AHCYL2: variants seen among roughly 807,000 people sequenced by gnomAD.
AHCYL2 encodes adenosylhomocysteinase like 2, also known as S-adenosylhomocysteine hydrolase-like protein 2.
A neutral mutation model predicts 81.4 loss-of-function variants in AHCYL2; 28 were observed. That is an observed-to-expected ratio of 0.34 (90% confidence interval 0.25 to 0.47). AHCYL2 has a LOEUF of 0.47. Ranked by LOEUF, AHCYL2 falls within the 20% of genes least tolerant of loss-of-function variation. The pLI is 1.00. For missense variants in AHCYL2, 551 were observed against 785.1 expected (o/e 0.70, Z 3.56); for synonymous variants, 272 against 290.2 (o/e 0.94, Z 0.64).
Position 129,368,376 on chromosome 7 carries a change from C to T in AHCYL2, c.364-11262C>T. 2 of 1,540,244 alleles carry T rather than the reference C, an allele frequency of 1.3e-6. No homozygotes were observed. The highest frequency in any genetic ancestry group is 1.7e-6 in the Non-Finnish European group (2 of 1,143,946). On this transcript the variant is annotated intron_variant, in intron 1 of 16. Transcript: ENST00000325006. The surrounding 1 kb of genome is among the most constrained non-coding windows in gnomAD (Gnocchi z 4.4). ...GAAAAGGGATGCAGCTTCTGCTAGCCACTGTGAACTTCTGAATCTCACTAG... is the reference window on the plus strand; with the variant it reads ...GAAAAGGGATGCAGCTTCTGCTAGCTACTGTGAACTTCTGAATCTCACTAG...
chr7:129,280,867 CT>C (rs756254951), intron 1 of AHCYL2, among the ~76,000 whole-genome samples: 2,490 of 138,424 alleles, frequency 0.018, 13 homozygotes, highest in Non-Finnish European at 0.027. Context: ...TACATTGATT[CT>C]TTTTTTTTTT....
At chr7:129,353,462 A>C (rs1426968042) in intron 1 of AHCYL2, among the ~76,000 whole-genome samples, 2 of 151,900 alleles carry the variant, frequency 1.3e-5, no homozygotes, top group Non-Finnish European at 2.9e-5. Context: ...GCCTTTCTTG[A>C]TTATTCTATC....
intron 1 of AHCYL2, among the ~76,000 whole-genome samples, chr7:129,366,357 C>T (rs1408335354): frequency 2.0e-5 from 3 of 152,176 alleles, no homozygotes; most frequent in Non-Finnish European, 4.4e-5. Flanking sequence ...AGTACCTCTT[C>T]CATAGATATT....
At chr7:129,350,170 A>G (rs1158009857) in intron 1 of AHCYL2, among the ~76,000 whole-genome samples, 3 of 152,146 alleles carry the variant, frequency 2.0e-5, no homozygotes, top group African/African-American at 7.2e-5. Context: ...CATTTCAGAT[A>G]AAGCATGCAG....
chr7:129,400,056 A>G, intron 5 of AHCYL2, among the ~76,000 whole-genome samples: 1 of 152,034 alleles, frequency 6.6e-6, no homozygotes, highest in Non-Finnish European at 1.5e-5. Context: ...CAACTGTCAT[A>G]CTTTTGTCCA....
intron 1 of AHCYL2, among the ~76,000 whole-genome samples, chr7:129,333,327 A>T (rs1798487307): frequency 6.6e-6 from 1 of 151,824 alleles, no homozygotes; most frequent in Admixed American, 6.6e-5. Flanking sequence ...AAAAAAAAAA[A>T]AAATTTTTTT....
chr7:129,374,214 A>G (rs1276905572), intron 1 of AHCYL2, among the ~76,000 whole-genome samples: 1 of 152,170 alleles, frequency 6.6e-6, no homozygotes, highest in Non-Finnish European at 1.5e-5. Flanking sequence ...ATTATGAGGC[A>G]TGGTATAGTA....
At chr7:129,259,696 A>T (rs1470253308) in intron 1 of AHCYL2, among the ~76,000 whole-genome samples, 1 of 152,166 alleles carries the variant, frequency 6.6e-6, no homozygotes, top group Non-Finnish European at 1.5e-5. Context: ...CTCTTTGTAA[A>T]GGAAGAGTGA....
chr7:129,366,470 G>A (rs1220253130), intron 1 of AHCYL2, among the ~76,000 whole-genome samples: 2 of 152,104 alleles, frequency 1.3e-5, no homozygotes, highest in East Asian at 1.9e-4. Flanking sequence ...GACAGGTCTC[G>A]GTTAATTTAG....
chr7:129,413,495 T>C, intron 11 of AHCYL2, 99 bp from the exon 12 acceptor site: 1 of 983,012 alleles, frequency 1.0e-6, no homozygotes, highest in Non-Finnish European at 1.6e-6. Context: ...GAATTCCTTA[T>C]AACAAGTCCC....
intron 1 of AHCYL2, among the ~76,000 whole-genome samples, chr7:129,366,864 CAT>C (rs1794140997): frequency 6.6e-6 from 1 of 151,668 alleles, no homozygotes; most frequent in African/African-American, 2.4e-5. Context: ...GTCCTGATGA[CAT>C]GTGCCCAAGG....
chr7:129,309,002 C>G (rs1481865501), intron 1 of AHCYL2, among the ~76,000 whole-genome samples: 1 of 148,710 alleles, frequency 6.7e-6, no homozygotes, highest in Non-Finnish European at 1.5e-5. Context: ...AGGCTGAGAC[C>G]AGGCAGATCA....
intron 1 of AHCYL2, among the ~76,000 whole-genome samples, chr7:129,363,136 A>T (rs762212001): frequency 2.6e-5 from 4 of 152,180 alleles, no homozygotes; most frequent in Non-Finnish European, 5.9e-5. Flanking sequence ...TTTTTGTACA[A>T]CAGAAAGCCG....
At chr7:129,416,545 C>T (rs1796859028) in intron 12 of AHCYL2, among the ~76,000 whole-genome samples, 1 of 152,140 alleles carries the variant, frequency 6.6e-6, no homozygotes, top group Non-Finnish European at 1.5e-5. Flanking sequence ...CGCCTGTAAT[C>T]CCAGCACTTT....
chr7:129,304,435 G>A (rs1459096374), intron 1 of AHCYL2, among the ~76,000 whole-genome samples: 1 of 152,160 alleles, frequency 6.6e-6, no homozygotes, highest in Admixed American at 6.5e-5. Context: ...GTGTTTCTTT[G>A]TTGATTTTCT....
chr7:129,375,216 G>A (rs962908203), intron 1 of AHCYL2, among the ~76,000 whole-genome samples: 5 of 152,192 alleles, frequency 3.3e-5, no homozygotes, highest in African/African-American at 1.2e-4. Context: ...GAGGAAAGCA[G>A]TGAACTGAGA....
chr7:129,241,364 G>A (rs1404989995), intron 1 of AHCYL2, among the ~76,000 whole-genome samples: 1 of 152,208 alleles, frequency 6.6e-6, no homozygotes, highest in African/African-American at 2.4e-5. Flanking sequence ...GCTGAGGCAG[G>A]TGGATCACCT....
Position 129,406,881 on chromosome 7 carries a change from C to T in AHCYL2, c.1295+415C>T, listed in dbSNP as rs1263379919. Among the ~76,000 whole-genome samples the T allele has an allele frequency of 2.6e-5, 4 of 152,126 alleles. No individual in the cohort carries two copies. The highest frequency in any genetic ancestry group is 5.9e-5 in the Non-Finnish European group (4 of 68,030). On this transcript the variant is annotated intron_variant, in intron 10 of 16. Coordinates refer to ENST00000325006, the MANE Select transcript of AHCYL2 (RefSeq NM_015328.4). This position sits in a 1 kb window ranked among gnomAD's most constrained non-coding sequence, Gnocchi z 4.3. ...TTGTGAGGAAACATTAGACCAATCC[C>T]AGTTAAGGGTAAAATCTACTAACTC...
chr7:129,298,819 C>G (rs1475446090), intron 1 of AHCYL2, among the ~76,000 whole-genome samples: 1 of 152,158 alleles, frequency 6.6e-6, no homozygotes, highest in Non-Finnish European at 1.5e-5. Flanking sequence ...AGTTTCACCT[C>G]TTTTGCCTGT....
Sources: gnomAD v4.1 joint callset for allele counts (sites outside exome capture counted in the v4.1 genomes callset) on GRCh38, gnomAD v4.1.1 for gene constraint, Gnocchi (gnomAD v3.1) non-coding constraint, MANE v1.5 for transcripts, NCBI Gene and HGNC (gene_info 2026-07-23, HGNC 2026-07-21) for gene names.